The following PCDHA1 variants were observed in gnomAD, a reference collection of about 807,000 sequenced individuals.
PCDHA1 encodes the protein protocadherin alpha 1.
Under a neutral mutation model 61.3 loss-of-function variants are expected in PCDHA1, and 42 were observed. That is an observed-to-expected ratio of 0.69 (90% confidence interval 0.54 to 0.89). The LOEUF (loss-of-function observed/expected upper bound fraction) is 0.89, where lower values mean the gene tolerates loss of function less well. PCDHA1 is among the 40% of genes least tolerant of loss of function. PCDHA1 has a pLI of 0.00. For missense variants in PCDHA1, 1,256 were observed against 1,235.3 expected (o/e 1.02, Z -0.25); for synonymous variants, 610 against 553.8 (o/e 1.10, Z -1.43).
intron 1 of PCDHA1, chr5:140,823,668 C>T: frequency 6.2e-7 from 1 of 1,614,060 alleles, no homozygotes; most frequent in South Asian, 1.1e-5. Context: ...GCGAGATCAG[C>T]ACAACACGCT....
intron 3 of PCDHA1, among the ~76,000 whole-genome samples, chr5:141,005,573 G>A (rs947306752): frequency 4.0e-5 from 6 of 151,140 alleles, no homozygotes; most frequent in Admixed American, 1.3e-4. Context: ...ATGGTGGCGC[G>A]TGCCTGTAGT....
intron 1 of PCDHA1, chr5:140,807,034 G>A: frequency 1.1e-6 from 1 of 929,518 alleles, no homozygotes; most frequent in South Asian, 1.7e-5. Context: ...GGAGGAAGAA[G>A]GGAAAATTCC....
intron 1 of PCDHA1, chr5:140,801,945 A>G (rs1189907348): frequency 6.2e-7 from 1 of 1,614,230 alleles, no homozygotes; most frequent in Non-Finnish European, 8.5e-7. Flanking sequence ...CTATAAAGTC[A>G]GATTACTCGA....
chr5:140,883,696 G>T (rs142212706), intron 1 of PCDHA1: 2 of 1,613,818 alleles, frequency 1.2e-6, no homozygotes, highest in Non-Finnish European at 1.7e-6. Flanking sequence ...ACATCTTCAC[G>T]GTGTCTGCTC....
intron 1 of PCDHA1, among the ~76,000 whole-genome samples, chr5:140,878,642 A>T (rs868995118): frequency 6.6e-6 from 1 of 152,216 alleles, no homozygotes; most frequent in East Asian, 1.9e-4. Context: ...TTCTATTTCT[A>T]CAAAAATATC....
intron 1 of PCDHA1, among the ~76,000 whole-genome samples, chr5:140,896,330 A>C (rs1435351695): frequency 1.3e-5 from 2 of 152,170 alleles, no homozygotes. Flanking sequence ...CAGTGGCTAA[A>C]CTAATTTATA....
At chr5:140,926,472 T>G in intron 1 of PCDHA1, 1 of 163,134 alleles carries the variant, frequency 6.1e-6, no homozygotes, top group East Asian at 1.8e-4. Context: ...AAAACACCGT[T>G]TAAGGAGAGA....
rs928044967 is a variant in PCDHA1 at position 140,786,950 on chromosome 5, G to A, written c.660G>A (p.Pro220=). 2 of 1,613,994 alleles carry A rather than the reference G, an allele frequency of 1.2e-6. No homozygotes were observed. Among genetic ancestry groups the A allele is most frequent in the Non-Finnish European group, 1.7e-6 (2 of 1,180,030 alleles). The change falls in exon 1 of 4, where the codon CCG becomes CCA. Residue 220 remains proline, a synonymous_variant. Coordinates refer to ENST00000504120, the MANE Select transcript of PCDHA1 (RefSeq NM_018900.4). ...LLLTATDGGK[P]ELQGTVELLI... ...TGACTGCCACTGATGGGGGCAAACC[G>A]GAGCTGCAAGGTACAGTTGAGCTGC...
intron 1 of PCDHA1, among the ~76,000 whole-genome samples, chr5:140,819,962 T>C (rs1216452666): frequency 1.3e-5 from 2 of 152,052 alleles, no homozygotes; most frequent in Non-Finnish European, 2.9e-5. Context: ...TATTTACTTT[T>C]TTCAAAGGTT....
chr5:140,857,654 G>C, intron 1 of PCDHA1: 1 of 1,596,766 alleles, frequency 6.3e-7, no homozygotes, highest in South Asian at 1.1e-5. Flanking sequence ...CCAGGTGAGC[G>C]CGCGCGATGG....
intron 1 of PCDHA1, chr5:140,842,003 C>G: frequency 6.2e-7 from 1 of 1,613,776 alleles, no homozygotes; most frequent in Non-Finnish European, 8.5e-7. Flanking sequence ...CACTGTTCAG[C>G]TGCTGGTCAC....
At chr5:140,834,657 C>T (rs2150223587) in intron 1 of PCDHA1, 4 of 1,614,136 alleles carry the variant, frequency 2.5e-6, no homozygotes, top group South Asian at 1.1e-5. Context: ...TCGGATCGAC[C>T]GCGAGGAGCT....
Position 140,835,816 on chromosome 5 carries a change from C to T in PCDHA1, c.2394+47132C>T, listed in dbSNP as rs1554135300. 2.5e-6 allele frequency: 4 copies of T among 1,612,612 alleles called. No homozygotes were observed. The highest frequency in any genetic ancestry group is 2.2e-5 in the East Asian group (1 of 44,834). ...CCGGGCTGCCACATCTTCACTGTGT[C>T]GGCGGGGGACGCGGACGCGCAGAAG... is the stretch of plus-strand genomic sequence containing the variant. On this transcript the variant is annotated intron_variant, in intron 1 of 3. Coordinates refer to ENST00000504120, the MANE Select transcript of PCDHA1 (RefSeq NM_018900.4).
Position 140,884,599 on chromosome 5 carries a change from T to C in PCDHA1, c.2395-94350T>C, listed in dbSNP as rs1490825306. 3 of 1,614,042 alleles carry C rather than the reference T, an allele frequency of 1.9e-6. No homozygotes were observed. In the East Asian group the frequency reaches 6.7e-5, roughly 36 times the overall value. ...TCATGGCCTTCAGTCCCAGCCTTCC[T>C]CCTTGTCTGGGTTCTGCAGAGGGAA... On this transcript the variant is annotated intron_variant, in intron 1 of 3. Transcript: ENST00000504120.
At chr5:140,988,007 A>G (rs2097277966) in intron 3 of PCDHA1, among the ~76,000 whole-genome samples, 1 of 152,230 alleles carries the variant, frequency 6.6e-6, no homozygotes, top group Non-Finnish European at 1.5e-5. Context: ...TTCCCCAGAA[A>G]GAAAGCATGA....
At chr5:140,943,237 C>T (rs1364015851) in intron 1 of PCDHA1, among the ~76,000 whole-genome samples, 1 of 121,190 alleles carries the variant, frequency 8.3e-6, no homozygotes, top group African/African-American at 3.3e-5. Flanking sequence ...CAGCCTGGGT[C>T]ACAGAGTGAG....
At chr5:140,994,329 T>A (rs1041024319) in intron 3 of PCDHA1, among the ~76,000 whole-genome samples, 2 of 152,096 alleles carry the variant, frequency 1.3e-5, no homozygotes, top group Non-Finnish European at 2.9e-5. Context: ...TCAGCAACCA[T>A]GAACAGTGGA....
At chr5:140,832,391 G>A (rs2150201447) in intron 1 of PCDHA1, among the ~76,000 whole-genome samples, 3 of 152,134 alleles carry the variant, frequency 2.0e-5, no homozygotes, top group East Asian at 1.9e-4. Flanking sequence ...GGCAGAAACT[G>A]GTAGTGGTAT....
chr5:140,881,414 A>G, intron 1 of PCDHA1: 1 of 936,538 alleles, frequency 1.1e-6, no homozygotes, highest in African/African-American at 1.8e-5. Flanking sequence ...TCAATAGGAT[A>G]TTAGTTCCAG....
Sources: gnomAD v4.1 joint callset for allele counts (sites outside exome capture counted in the v4.1 genomes callset) on GRCh38, gnomAD v4.1.1 for gene constraint, MANE v1.5 for transcripts, NCBI Gene and HGNC (gene_info 2026-07-23, HGNC 2026-07-21) for gene names.